DNAAF9: variants seen among roughly 807,000 people sequenced by gnomAD.
DNAAF9 encodes the protein dynein axonemal assembly factor 9, also known as shulin.
DNAAF9 carries 90 observed loss-of-function variants against 167.0 expected under a neutral mutation model. That is an observed-to-expected ratio of 0.54 (90% CI 0.45 to 0.64). The LOEUF is 0.64. Among genes scored for constraint, DNAAF9 ranks in the 30% least tolerant of loss-of-function variants. The probability of loss-of-function intolerance (pLI) is 0.00; values close to 1 mark genes in which losing one functional copy is unlikely to be tolerated. For missense variants in DNAAF9, 1,315 were observed against 1,442.2 expected, an observed-to-expected ratio of 0.91 and a Z score of 1.43; for synonymous variants, 491 against 508.8, an observed-to-expected ratio of 0.96 and a Z score of 0.47.
At chr20:3,327,405 CT>C (rs2069731136) in intron 12 of DNAAF9, among the ~76,000 whole-genome samples, 1 of 152,030 alleles carries the variant, frequency 6.6e-6, no homozygotes, top group African/African-American at 2.4e-5. Flanking sequence ...TAGAATTGCC[CT>C]TGGTTGAGAA....
At chr20:3,393,782 T>C (rs2083861613) in intron 1 of DNAAF9, among the ~76,000 whole-genome samples, 1 of 152,206 alleles carries the variant, frequency 6.6e-6, no homozygotes, top group Admixed American at 6.5e-5. Context: ...ATTGTTCTTT[T>C]AAACCGTTTA....
rs2068780287 is a variant in DNAAF9 at position 3,282,511 on chromosome 20, T to C, written c.2487-745A>G. 4.6e-5 allele frequency among the ~76,000 whole-genome samples: 7 copies of C among 152,180 alleles called. No homozygotes were observed. The South Asian group carries it at 1.2e-3, about 27-fold the overall frequency. On this transcript the variant is annotated intron_variant, in intron 27 of 36. Transcript: ENST00000252032. ...CTCTCTGATCTGTTTTCAACACAGATGCCAGAGAGATATGCTAAACCCAGA... is the reference window on the plus strand; with the variant it reads ...CTCTCTGATCTGTTTTCAACACAGACGCCAGAGAGATATGCTAAACCCAGA...
In DNAAF9 at chr20:3,362,966, C is replaced by T. The variant is rs1406497906; in HGVS notation, c.613-3373G>A. 2.6e-5 allele frequency among the ~76,000 whole-genome samples: 4 copies of T among 152,246 alleles called. No individual in the cohort carries two copies. The East Asian group carries it at 7.7e-4, about 29-fold the overall frequency. On this transcript the variant is annotated intron_variant, in intron 6 of 36. Coordinates refer to ENST00000252032, the MANE Select transcript of DNAAF9 (RefSeq NM_001009984.3). ...AATGCAGGCCAGGCACAGTGGCTCA[C>T]GCTTGTAATCCCAGCAATTTGGGAG...
At chr20:3,366,639 T>G (rs1301452833) in intron 6 of DNAAF9, among the ~76,000 whole-genome samples, 1 of 152,144 alleles carries the variant, frequency 6.6e-6, no homozygotes, top group African/African-American at 2.4e-5. Flanking sequence ...ATGAAAGTCC[T>G]AGAGGCTGGG....
chr20:3,337,028 T>C (rs2069970207), intron 10 of DNAAF9, among the ~76,000 whole-genome samples: 1 of 151,638 alleles, frequency 6.6e-6, no homozygotes, highest in Admixed American at 6.6e-5. Context: ...TACAGGAGCC[T>C]GCCACCACAC....
Position 3,383,939 on chromosome 20 carries a change from C to T in DNAAF9, c.84-1433G>A, listed in dbSNP as rs150799794. On this transcript the variant is annotated intron_variant, in intron 1 of 36. Transcript: ENST00000252032. ...TCAGTCCCCCAAGTAGCTGGGATTA[C>T]AGATGTACACCACCATGCCTGGCTA... 1.5e-4 allele frequency among the ~76,000 whole-genome samples: 23 copies of T among 152,100 alleles called. No individual in the cohort carries two copies. The East Asian group carries it at 4.3e-3, about 28-fold the overall frequency.
At chr20:3,285,433 CT>C (rs2068834290) in intron 27 of DNAAF9, among the ~76,000 whole-genome samples, 1 of 152,244 alleles carries the variant, frequency 6.6e-6, no homozygotes, top group Non-Finnish European at 1.5e-5. Flanking sequence ...AATCCCAGCA[CT>C]CTGGGAGGCC....
chr20:3,332,620 AT>A (rs59726740), intron 10 of DNAAF9, among the ~76,000 whole-genome samples: 433 of 141,260 alleles, frequency 3.1e-3, no homozygotes, highest in Middle Eastern at 0.011. Flanking sequence ...CACCCAGCTA[AT>A]TTTTTTTTTT....
intron 27 of DNAAF9, 95 bp from the exon 28 acceptor site, chr20:3,281,861 A>G (rs2068770316): frequency 1.5e-6 from 2 of 1,305,992 alleles, no homozygotes; most frequent in South Asian, 1.3e-5. Flanking sequence ...ACAAGGATGG[A>G]AAGAAAACCA....
chr20:3,352,846 T>TTATATATATATATA (rs11471503), intron 7 of DNAAF9, among the ~76,000 whole-genome samples: 29 of 146,718 alleles, frequency 2.0e-4, no homozygotes, highest in African/African-American at 6.7e-4. Context: ...TTCAAAATAT[T>TTATATATATATATA]TATATATATA....
Position 3,375,209 on chromosome 20 carries a change from G to C in DNAAF9, c.409-83C>G, listed in dbSNP as rs1246821325. The stretch of plus-strand genomic sequence containing the variant: ...TATTTTCTCTGCATTTTGTCAACCA[G>C]AGTTGTCCCAAATGACATTTACAGA... On this transcript the variant is annotated intron_variant, in intron 4 of 36. Coordinates refer to ENST00000252032, the MANE Select transcript of DNAAF9 (RefSeq NM_001009984.3). 3.4e-6 allele frequency: 3 copies of C among 890,954 alleles called. No homozygotes were observed. In the East Asian group the frequency reaches 7.3e-5, roughly 22 times the overall value. 55.2% of individuals were successfully genotyped at this position (890,954 alleles called of 1,614,324 possible).
chr20:3,407,225 G>A (rs985628737), intron 1 of DNAAF9, among the ~76,000 whole-genome samples: 2 of 152,136 alleles, frequency 1.3e-5, no homozygotes, highest in Admixed American at 6.5e-5. Context: ...CCATTGTGGG[G>A]AAACCGTTGC....
intron 1 of DNAAF9, among the ~76,000 whole-genome samples, chr20:3,399,451 G>T (rs574947821): frequency 1.8e-4 from 27 of 152,040 alleles, no homozygotes; most frequent in African/African-American, 5.5e-4. Flanking sequence ...CTTGCGATCC[G>T]CCCGCCTCGG....
intron 25 of DNAAF9, among the ~76,000 whole-genome samples, chr20:3,292,819 C>T (rs1234959159): frequency 8.6e-5 from 13 of 151,010 alleles, no homozygotes; most frequent in Non-Finnish European, 1.3e-4. Flanking sequence ...GTAATCCCAG[C>T]ACTTTGGGAG....
intron 32 of DNAAF9, 34 bp from the exon 33 acceptor site, chr20:3,259,588 A>G (rs765415541): frequency 4.8e-6 from 7 of 1,471,320 alleles, no homozygotes; most frequent in African/African-American, 1.4e-5. Flanking sequence ...TGTCACCCAC[A>G]TGGAGGCACA....
chr20:3,275,321 CTGTT>C (rs2068659005), intron 29 of DNAAF9, among the ~76,000 whole-genome samples: 2 of 152,332 alleles, frequency 1.3e-5, no homozygotes, highest in South Asian at 4.1e-4. Context: ...CCCTAGGACT[CTGTT>C]TGGTATCTTC....
intron 3 of DNAAF9, among the ~76,000 whole-genome samples, chr20:3,376,874 C>T (rs2083582649): frequency 6.6e-6 from 1 of 152,090 alleles, no homozygotes; most frequent in Non-Finnish European, 1.5e-5. Context: ...ACCAGCCTGA[C>T]CAACATGGTG....
intron 6 of DNAAF9, chr20:3,362,309 C>G (rs1218113276): frequency 1.1e-6 from 1 of 939,348 alleles, no homozygotes; most frequent in East Asian, 2.4e-5. Context: ...ACTACTGAGC[C>G]TGTGGTGGCT....
chr20:3,322,520 C>T (rs2069634553), intron 15 of DNAAF9, 132 bp downstream of exon 15: 2 of 825,756 alleles, frequency 2.4e-6, no homozygotes, highest in Non-Finnish European at 4.2e-6. Flanking sequence ...ACAGCCAGCC[C>T]AAGCCCAACC....
Sources: allele counts gnomAD v4.1 joint callset (sites outside exome capture counted in the v4.1 genomes callset), GRCh38; gene constraint gnomAD v4.1.1; transcripts MANE v1.5; gene names NCBI Gene and HGNC (gene_info 2026-07-23, HGNC 2026-07-21).